RBM42: variants seen among roughly 807,000 people sequenced by gnomAD.
The protein encoded by RBM42 is RNA binding motif protein 42.
Under a neutral mutation model 41.4 loss-of-function variants are expected in RBM42, and 21 were observed. That is an observed-to-expected ratio of 0.51 (90% CI 0.36 to 0.73). The LOEUF (loss-of-function observed/expected upper bound fraction) is 0.73, where lower values mean the gene tolerates loss of function less well. Among genes scored for constraint, RBM42 ranks in the 30% least tolerant of loss-of-function variants. RBM42 has a pLI of 0.00. For synonymous variants in RBM42, 272 were observed against 271.2 expected, an observed-to-expected ratio of 1.00 and a Z score of -0.03; for missense variants, 539 against 680.4, an observed-to-expected ratio of 0.79 and a Z score of 2.31.
chr19:35,635,617 G>T (rs1342837739), intron 8 of RBM42, among the ~76,000 whole-genome samples: 1 of 151,468 alleles, frequency 6.6e-6, no homozygotes. Context: ...ACCTGCCAGG[G>T]TCAAGTAATT....
rs1967368869 is a variant in RBM42 at position 35,629,590 on chromosome 19, C to A, written c.199C>A (p.Pro67Thr). 1 of 1,614,030 alleles carries A rather than the reference C, an allele frequency of 6.2e-7. No individual in the cohort carries two copies. The highest frequency in any genetic ancestry group is 8.5e-7 in the Non-Finnish European group (1 of 1,180,008). ...PTAVPAVPTV[P>T]TVPTVEAMQV... ...TGCTGTGCCTGCGGTGCCCACTGTC[C>A]CCACGGTCCCCACAGTAGAAGCGAT... Residue 67 changes from proline (P) to threonine (T), a missense_variant, in exon 2 of 10, where the codon CCC (proline) becomes ACC (threonine). Coordinates refer to ENST00000262633, the MANE Select transcript of RBM42 (RefSeq NM_024321.5).
At position 35,631,321 on chromosome 19, in the gene RBM42, C is replaced by T. The variant is rs1967401243; in HGVS notation, c.368-10C>T. The stretch of plus-strand genomic sequence containing the variant: ...TCCTCCCACCATCCTTGCCTCTCCC[C>T]TCCCAACAGTTGGCTTTGGCCCTGG... On this transcript the variant is annotated splice_polypyrimidine_tract_variant and intron_variant, in intron 3 of 9. Coordinates refer to ENST00000262633, the MANE Select transcript of RBM42 (RefSeq NM_024321.5). 12 of 1,614,190 alleles carry T rather than the reference C, an allele frequency of 7.4e-6. No homozygotes were observed. Among genetic ancestry groups the T allele is most frequent in the Non-Finnish European group, 1.0e-5 (12 of 1,180,008 alleles).
chr19:35,637,573 C>G lies in RBM42; in HGVS notation c.*19C>G. 1 of 1,594,798 alleles carries G rather than the reference C, an allele frequency of 6.3e-7. No homozygotes were observed. On this transcript the variant is annotated 3_prime_UTR_variant, in exon 10 of 10. Transcript: ENST00000262633. This position sits in a 1 kb window ranked among gnomAD's most constrained non-coding sequence, Gnocchi z 7.0. ...GAGATAGGGTCTGTGGCCAGGCACC[C>G]GCTCCCACCTGGCCGGGCGCTGGCT...
intron 4 of RBM42, among the ~76,000 whole-genome samples, chr19:35,632,315 T>C (rs1000656024): frequency 6.6e-5 from 10 of 152,176 alleles, no homozygotes; most frequent in Admixed American, 3.3e-4. Context: ...AAGAATGCTG[T>C]GCTTTAAGAA....
rs754646757 is a variant in RBM42 at position 35,633,803 on chromosome 19, C to T, written c.801C>T (p.Ala267=). The change falls in exon 7 of 10, where the codon GCC becomes GCT. Residue 267 remains alanine (A), a synonymous_variant. Transcript: ENST00000262633. ...TGGAGGAGGCTAGCGCGGCTGTGGC[C>T]GTGGGGGCAGGAGGTGCCCCAGCTG... ...AGLEEASAAV[A]VGAGGAPAGP... The T allele has an allele frequency of 1.6e-5, 24 of 1,500,832 alleles. No homozygotes were observed. Among genetic ancestry groups the T allele is most frequent in the South Asian group, 6.7e-5 (5 of 75,006 alleles). The allele number at this position is 1,500,832 out of a possible 1,614,324, so 93.0% of individuals were successfully genotyped here.
At chr19:35,635,536 G>A (rs75313804) in intron 8 of RBM42, among the ~76,000 whole-genome samples, 1 of 68,576 alleles carries the variant, frequency 1.5e-5, no homozygotes. Flanking sequence ...TTTTTTTTTT[G>A]AAACGGAGTC....
At chr19:35,635,509 ATCTTTTTTTTTT>A (rs916952139) in intron 8 of RBM42, among the ~76,000 whole-genome samples, 1 of 143,972 alleles carries the variant, frequency 6.9e-6, no homozygotes, top group Non-Finnish European at 1.5e-5. Flanking sequence ...CTTCAATTAT[ATCTTTTTTTTTT>A]TCTTTTTTTT....
chr19:35,635,062 C>G (rs1266510144), intron 8 of RBM42, among the ~76,000 whole-genome samples: 4 of 151,752 alleles, frequency 2.6e-5, no homozygotes, highest in African/African-American at 9.7e-5. Context: ...CACCTGTAAT[C>G]CCAGCACTTT....
In RBM42 at chr19:35,629,153, G is replaced by T. The variant is rs1030334051; in HGVS notation, c.-1G>T. ...TAGCGGCGACAGCGACGACGGCAGC[G>T]ATGGCTGGGGCGGGGCCAGCCCCGG... On this transcript the variant is annotated 5_prime_UTR_variant, in exon 1 of 10. Coordinates refer to ENST00000262633, the MANE Select transcript of RBM42 (RefSeq NM_024321.5). The T allele has an allele frequency of 6.6e-7, 1 of 1,521,622 alleles. No homozygotes were observed. The allele number at this position is 1,521,622 out of a possible 1,614,324, so 94.3% of individuals were successfully genotyped here.
At chr19:35,633,351 C>CT in intron 6 of RBM42, 99 bp downstream of exon 6, 2 of 947,778 alleles carry the variant, frequency 2.1e-6, no homozygotes, top group Non-Finnish European at 3.2e-6. Flanking sequence ...TCTCTCCTGA[C>CT]TTTCTGTTTC....
chr19:35,634,466 C>T (rs1568335026), intron 8 of RBM42, 93 bp downstream of exon 8: 2 of 872,822 alleles, frequency 2.3e-6, no homozygotes, highest in African/African-American at 1.7e-5. Context: ...TGAACCCTCT[C>T]AGTAGGGTGG....
chr19:35,629,331 C>T, intron 1 of RBM42, 50 bp downstream of exon 1: 1 of 1,488,888 alleles, frequency 6.7e-7, no homozygotes, highest in Non-Finnish European at 8.9e-7. Context: ...GCCAGAGCCA[C>T]CGAATCTCGG....
Position 35,629,662 on chromosome 19 carries a change from A to T in RBM42, c.271A>T (p.Thr91Ser). 2.5e-6 allele frequency: 4 copies of T among 1,614,162 alleles called. No individual in the cohort carries two copies. Among genetic ancestry groups the T allele is most frequent in the Non-Finnish European group, 3.4e-6 (4 of 1,179,996 alleles). The change falls in exon 2 of 10, where the codon ACA becomes TCA. Residue 91 changes from threonine to serine, a missense_variant. By Grantham distance (58) the Thr-to-Ser change is moderately conservative. Coordinates refer to ENST00000262633, the MANE Select transcript of RBM42 (RefSeq NM_024321.5). ...GATCCGCCCAATTATCGCGACCAAC[A>T]CATACCAGCAGGTACGGCTGAGCTA... Reference protein sequence around the residue: ...PVIRPIIATNTYQQVQQTLEA... With the variant: ...PVIRPIIATNSYQQVQQTLEA...
chr19:35,629,364 G>A (rs1967364597), intron 1 of RBM42, 83 bp downstream of exon 1: 1 of 1,497,784 alleles, frequency 6.7e-7, no homozygotes, highest in African/African-American at 1.4e-5. Flanking sequence ...TCGATAGGCC[G>A]GAGATACGGC....
intron 1 of RBM42, 26 bp downstream of exon 1, chr19:35,629,307 A>G: frequency 6.6e-7 from 1 of 1,503,822 alleles, no homozygotes; most frequent in Admixed American, 2.2e-5. Flanking sequence ...GAGAGTGATA[A>G]AAGTCGTCCC....
At chr19:35,629,802 G>A in intron 2 of RBM42, 129 bp downstream of exon 2, 1 of 954,488 alleles carries the variant, frequency 1.0e-6, no homozygotes, top group East Asian at 2.6e-5. Flanking sequence ...TATATGCCAG[G>A]CACTGAGAAC....
In RBM42 at chr19:35,634,026, A is replaced by G; in HGVS notation, c.1017+7A>G. 1 of 1,493,864 alleles carries G rather than the reference A, an allele frequency of 6.7e-7. No homozygotes were observed. The highest frequency in any genetic ancestry group is 8.9e-7 in the Non-Finnish European group (1 of 1,126,872). 92.5% of individuals were successfully genotyped at this position (1,493,864 alleles called of 1,614,324 possible). On this transcript the variant is annotated splice_region_variant and intron_variant, in intron 7 of 9. Transcript: ENST00000262633. ...AGGCCTCATGGCTCTTGAGGTAAGC[A>G]GGGAGCCTAGCGGTGAAGGGACAGA...
At chr19:35,633,588 C>G (rs939368149) in intron 6 of RBM42, 99 bp from the exon 7 acceptor site, 9 of 1,210,472 alleles carry the variant, frequency 7.4e-6, no homozygotes, top group African/African-American at 1.6e-5. Flanking sequence ...CTTGGCTGCT[C>G]TCTGGCCCCC....
rs1471995788 is a variant in RBM42, at chr19:35,629,098, C to A, written c.-56C>A. 2.7e-6 allele frequency: 4 copies of A among 1,480,636 alleles called. No individual in the cohort carries two copies. The highest frequency in any genetic ancestry group is 1.4e-5 in the African/African-American group (1 of 69,676). 91.7% of individuals were successfully genotyped at this position (1,480,636 alleles called of 1,614,324 possible). On this transcript the variant is annotated 5_prime_UTR_variant, in exon 1 of 10. Transcript: ENST00000262633. Reference sequence around the variant, plus strand: ...CGAAGGGGGAGAGTAGACAGCAGAACCAGCGGCGGCGGCTAAGCAGAGACT... The same window carrying A: ...CGAAGGGGGAGAGTAGACAGCAGAAACAGCGGCGGCGGCTAAGCAGAGACT...
Sources: gnomAD v4.1 joint callset for allele counts (sites outside exome capture counted in the v4.1 genomes callset) on GRCh38, gnomAD v4.1.1 for gene constraint, Gnocchi (gnomAD v3.1) non-coding constraint, MANE v1.5 for transcripts, NCBI Gene and HGNC (gene_info 2026-07-23, HGNC 2026-07-21) for gene names.